The following CLSTN3 variants were observed in gnomAD, a reference collection of about 807,000 sequenced individuals.
The protein encoded by CLSTN3 is calsyntenin-3.
Under a neutral mutation model 95.9 loss-of-function variants are expected in CLSTN3, and 36 were observed. That is an observed-to-expected ratio of 0.38 (90% CI 0.29 to 0.50). The LOEUF (loss-of-function observed/expected upper bound fraction) is 0.50. Among genes scored for constraint, CLSTN3 ranks in the 20% least tolerant of loss-of-function variants. The pLI is 0.95. For synonymous variants in CLSTN3, 481 were observed against 504.0 expected, an observed-to-expected ratio of 0.95 and a Z score of 0.61; for missense variants, 1,084 against 1,268.8, an observed-to-expected ratio of 0.85 and a Z score of 2.21.
intron 8 of CLSTN3, among the ~76,000 whole-genome samples, chr12:7,138,298 A>T (rs1029648494): frequency 6.6e-6 from 1 of 150,874 alleles, no homozygotes; most frequent in African/African-American, 2.5e-5. Flanking sequence ...ACAAATGACT[A>T]CTAACACCAA....
In CLSTN3 at chr12:7,149,456, A is replaced by G. The variant is rs1447945272; in HGVS notation, c.2075-67A>G. On this transcript the variant is annotated intron_variant, in intron 13 of 17. Transcript: ENST00000266546. The surrounding 1 kb of genome is among the most constrained non-coding windows in gnomAD (Gnocchi z 4.5). ...AGGGAGGGAGAGTGGTGATGAGGGCATGGTTGGGTCTCAGAACCTCCGTGG... is the reference window on the plus strand; with the variant it reads ...AGGGAGGGAGAGTGGTGATGAGGGCGTGGTTGGGTCTCAGAACCTCCGTGG... The G allele has an allele frequency of 3.4e-6, 5 of 1,461,974 alleles. No homozygotes were observed. Among genetic ancestry groups the G allele is most frequent in the Admixed American group, 1.8e-5 (1 of 54,884 alleles). 90.6% of individuals were successfully genotyped at this position (1,461,974 alleles called of 1,614,324 possible). A position where few individuals can be genotyped will look rare whatever the true frequency, so the allele number is the denominator to read the frequency against.
chr12:7,135,681 GC>G, intron 4 of CLSTN3, 122 bp from the exon 5 acceptor site: 1 of 1,367,408 alleles, frequency 7.3e-7, no homozygotes, highest in Non-Finnish European at 1.0e-6. Context: ...CCTCCCAGAT[GC>G]CTTTTTTCCC....
upstream of CLSTN3, chr12:7,129,894 C>G (rs1297786309): frequency 2.4e-6 from 2 of 817,860 alleles, no homozygotes; most frequent in Non-Finnish European, 3.0e-6. This position sits in a 1 kb window ranked among gnomAD's most constrained non-coding sequence, Gnocchi z 5.5. Context: ...TACCGCCCTG[C>G]GGACCGCCCT....
In CLSTN3 at chr12:7,150,780, G is replaced by C; in HGVS notation, c.2391+91G>C. The stretch of plus-strand genomic sequence containing the variant: ...CTCAAAATGTTAGTTGGTGGGCATG[G>C]ACATGGCAGCGTGGAGGGCTGCTGG... On this transcript the variant is annotated intron_variant, in intron 15 of 17. Transcript: ENST00000266546. This position sits in a 1 kb window ranked among gnomAD's most constrained non-coding sequence, Gnocchi z 4.0. 3 of 1,573,158 alleles carry C rather than the reference G, an allele frequency of 1.9e-6. No individual in the cohort carries two copies. The African/African-American group carries it at 4.0e-5, about 21-fold the overall frequency.
At chr12:7,140,541 T>C (rs1939507756) in intron 8 of CLSTN3, among the ~76,000 whole-genome samples, 1 of 152,118 alleles carries the variant, frequency 6.6e-6, no homozygotes, top group Non-Finnish European at 1.5e-5. Context: ...CTCTGCCCCT[T>C]TTTCCTCTGA....
chr12:7,141,251 G>A lies in CLSTN3; in HGVS notation c.1333G>A (p.Asp445Asn). ...FLWKLEQVCD[D>N]EWHHYALNLE... ...TACCCTACTCTCCCAGGTCTGTGAT[G>A]ATGAGTGGCACCACTACGCTCTGAA... Residue 445 changes from aspartate (D) to asparagine (N), a missense_variant, in exon 9 of 18, where the codon GAT becomes AAT. By Grantham distance (23) the Asp-to-Asn change is conservative. Coordinates refer to ENST00000266546, the MANE Select transcript of CLSTN3 (RefSeq NM_014718.4). The surrounding 1 kb of genome is among the most constrained non-coding windows in gnomAD (Gnocchi z 4.1). 6.2e-7 allele frequency: 1 copy of A among 1,614,000 alleles called. No individual in the cohort carries two copies. The highest frequency in any genetic ancestry group is 1.3e-5 in the African/African-American group (1 of 75,016).
chr12:7,136,726 G>A (rs1029172307), intron 6 of CLSTN3, 103 bp from the exon 7 acceptor site: 9 of 1,331,234 alleles, frequency 6.8e-6, no homozygotes, highest in African/African-American at 5.8e-5. Flanking sequence ...AAGACGTGCT[G>A]TAGGAAATCT....
chr12:7,132,744 A>G (rs1939327735), intron 1 of CLSTN3: 3 of 595,762 alleles, frequency 5.0e-6, no homozygotes, highest in African/African-American at 1.9e-5. Flanking sequence ...CATGGTTCCC[A>G]TGGAGATAGT....
upstream of CLSTN3, chr12:7,130,345 A>G: frequency 8.2e-7 from 1 of 1,212,682 alleles, no homozygotes. Context: ...CGGCCCCATC[A>G]ATCGTTGCCC....
At chr12:7,155,508 G>A (rs917663554) in intron 16 of CLSTN3, among the ~76,000 whole-genome samples, 31 of 152,322 alleles carry the variant, frequency 2.0e-4, no homozygotes, top group Non-Finnish European at 3.8e-4. Flanking sequence ...CCACTCTGAG[G>A]GTGGGGTCAC....
chr12:7,141,247 T>C lies in CLSTN3; in HGVS notation c.1329T>C (p.Cys443=). ...VKFLWKLEQV[C]DDEWHHYALN... ...CCCCTACCCTACTCTCCCAGGTCTG[T>C]GATGATGAGTGGCACCACTACGCTC... Residue 443 remains cysteine, a synonymous_variant, in exon 9 of 18, where the codon TGT becomes TGC. Transcript: ENST00000266546. The surrounding 1 kb of genome is among the most constrained non-coding windows in gnomAD (Gnocchi z 4.1). 6.2e-7 allele frequency: 1 copy of C among 1,613,976 alleles called. No homozygotes were observed. Among genetic ancestry groups the C allele is most frequent in the Non-Finnish European group, 8.5e-7 (1 of 1,179,936 alleles).
intron 12 of CLSTN3, among the ~76,000 whole-genome samples, chr12:7,148,164 G>T (rs1319555600): frequency 1.7e-5 from 1 of 59,538 alleles, no homozygotes; most frequent in Non-Finnish European, 3.3e-5. Flanking sequence ...CAAAAAGAAA[G>T]AAAGAAAGAA....
chr12:7,146,649 G>A (rs900003891), intron 12 of CLSTN3, among the ~76,000 whole-genome samples: 1 of 152,072 alleles, frequency 6.6e-6, no homozygotes, highest in African/African-American at 2.4e-5. Flanking sequence ...TCCCTCCTCT[G>A]AACTCTTCTG....
intron 16 of CLSTN3, among the ~76,000 whole-genome samples, chr12:7,151,779 G>A (rs1173464816): frequency 6.6e-6 from 1 of 152,144 alleles, no homozygotes; most frequent in Non-Finnish European, 1.5e-5. Flanking sequence ...AATCAGGCCA[G>A]GCACAGTGGC....
At chr12:7,152,879 T>G (rs991175982) in intron 16 of CLSTN3, among the ~76,000 whole-genome samples, 3 of 152,314 alleles carry the variant, frequency 2.0e-5, no homozygotes, top group South Asian at 2.1e-4. Context: ...ATGATTCCAG[T>G]CTGTGCACTA....
At chr12:7,135,289 GACGTGTCTTCATC>G in intron 3 of CLSTN3, 25 bp from the exon 4 acceptor site, 3 of 1,596,498 alleles carry the variant, frequency 1.9e-6, no homozygotes, top group Non-Finnish European at 2.6e-6. Context: ...GAGGCTGGCT[GACGTGTCTTCATC>G]CCTCCTTCTC....
At chr12:7,155,246 T>C (rs917694521) in intron 16 of CLSTN3, among the ~76,000 whole-genome samples, 1 of 152,238 alleles carries the variant, frequency 6.6e-6, no homozygotes, top group Non-Finnish European at 1.5e-5. Flanking sequence ...TTTTTATCTG[T>C]AGCTGATTTA....
In CLSTN3 at chr12:7,158,112, A is replaced by G. The variant is rs200459589; in HGVS notation, c.*31A>G. ...ACACCTCTCCCCACGCAGAGGGGGA[A>G]TTCTGCCCTGGTGAAACAGACACTC... On this transcript the variant is annotated 3_prime_UTR_variant, in exon 18 of 18. Transcript: ENST00000266546. 57 of 1,475,082 alleles carry G rather than the reference A, an allele frequency of 3.9e-5. No individual in the cohort carries two copies. In the East Asian group the frequency reaches 5.5e-4, roughly 14 times the overall value. The allele number at this position is 1,475,082 out of a possible 1,614,324, so 91.4% of individuals were successfully genotyped here.
chr12:7,153,464 T>C (rs1430249709), intron 16 of CLSTN3, among the ~76,000 whole-genome samples: 1 of 152,164 alleles, frequency 6.6e-6, no homozygotes, highest in Non-Finnish European at 1.5e-5. Flanking sequence ...CCTTTTTCAG[T>C]GTTCTACTGT....
Sources: allele counts gnomAD v4.1 joint callset (sites outside exome capture counted in the v4.1 genomes callset), GRCh38; gene constraint gnomAD v4.1.1; non-coding constraint Gnocchi (gnomAD v3.1); transcripts MANE v1.5; gene names NCBI Gene and HGNC (gene_info 2026-07-23, HGNC 2026-07-21).